Variants in CAST observed in about 807,000 individuals in gnomAD.
The protein encoded by CAST is MIR583 host.
A neutral mutation model predicts 119.6 loss-of-function variants in CAST; 76 were observed. That is an observed-to-expected ratio of 0.64 (90% CI 0.53 to 0.77). The LOEUF (loss-of-function observed/expected upper bound fraction) is 0.77, where lower values mean the gene tolerates loss of function less well. Ranked by LOEUF, CAST falls within the 30% of genes least tolerant of loss-of-function variation. The pLI is 0.00. For missense variants in CAST, 953 were observed against 946.5 expected, an observed-to-expected ratio of 1.01 and a Z score of -0.09; for synonymous variants, 319 against 331.6, an observed-to-expected ratio of 0.96 and a Z score of 0.41.
chr5:96,051,211 T>G, the CAST span, among the ~76,000 whole-genome samples: 1 of 152,178 alleles, frequency 6.6e-6, no homozygotes, highest in Non-Finnish European at 1.5e-5. Context: ...TGTGTGTGTG[T>G]GTGACACACA....
the CAST span, among the ~76,000 whole-genome samples, chr5:96,304,114 G>T: frequency 6.6e-6 from 1 of 152,144 alleles, no homozygotes; most frequent in Non-Finnish European, 1.5e-5. Context: ...AGCATCTGTT[G>T]TTTCCTGACT....
intron 1 of CAST, among the ~76,000 whole-genome samples, chr5:96,603,759 CTTTTTTTTTT>C (rs70981832): frequency 1.3e-5 from 1 of 79,498 alleles, no homozygotes; most frequent in Non-Finnish European, 2.3e-5. Context: ...GTGCTGTACT[CTTTTTTTTTT>C]TTTTTTTTTT....
chr5:96,549,481 G>C (rs1001212817), intron 1 of CAST, among the ~76,000 whole-genome samples: 28 of 152,228 alleles, frequency 1.8e-4, no homozygotes, highest in African/African-American at 6.3e-4. Context: ...GATTGACACA[G>C]AAGATGGGTG....
chr5:96,735,717 C>T (rs764307702), intron 9 of CAST, among the ~76,000 whole-genome samples: 7 of 152,122 alleles, frequency 4.6e-5, no homozygotes, highest in South Asian at 2.1e-4. Flanking sequence ...CAATGATGAG[C>T]GATCAACTCA....
the CAST span, among the ~76,000 whole-genome samples, chr5:96,231,218 T>G: frequency 2.6e-5 from 4 of 152,014 alleles, no homozygotes; most frequent in East Asian, 7.7e-4. Flanking sequence ...ATCCAAAGAG[T>G]AGGAACAACC....
intron 1 of CAST, among the ~76,000 whole-genome samples, chr5:96,551,526 C>T (rs1159352844): frequency 2.0e-5 from 3 of 152,094 alleles, no homozygotes; most frequent in Non-Finnish European, 4.4e-5. Flanking sequence ...GGTGAAATAA[C>T]CAGCTAGCAT....
At chr5:96,637,746 G>A (rs184977535) in intron 1 of CAST, among the ~76,000 whole-genome samples, 6 of 152,094 alleles carry the variant, frequency 3.9e-5, no homozygotes, top group Admixed American at 3.3e-4. Flanking sequence ...ATCACTAGTT[G>A]CATTTTTGGG....
At chr5:96,218,289 A>C in the CAST span, among the ~76,000 whole-genome samples, 10 of 152,118 alleles carry the variant, frequency 6.6e-5, no homozygotes, top group South Asian at 2.1e-4. Flanking sequence ...TTTTCAGTTG[A>C]TTGTTGTATC....
intron 1 of CAST, among the ~76,000 whole-genome samples, chr5:96,671,856 G>T (rs1441025383): frequency 6.6e-6 from 1 of 152,172 alleles, no homozygotes; most frequent in African/African-American, 2.4e-5. Context: ...GATCGAATTT[G>T]ACATATGTCA....
upstream of CAST, among the ~76,000 whole-genome samples, chr5:96,529,239 C>G (rs939247188): frequency 6.6e-6 from 1 of 152,080 alleles, no homozygotes; most frequent in Non-Finnish European, 1.5e-5. Flanking sequence ...AAGGAAGAAA[C>G]TAAGAGAAAA....
chr5:96,047,689 TG>T, the CAST span, among the ~76,000 whole-genome samples: 1 of 152,194 alleles, frequency 6.6e-6, no homozygotes, highest in East Asian at 1.9e-4. Flanking sequence ...GCTAAGTACC[TG>T]GGATATATTG....
At chr5:96,681,711 C>T (rs1440321281) in intron 2 of CAST, among the ~76,000 whole-genome samples, 2 of 125,966 alleles carry the variant, frequency 1.6e-5, no homozygotes, top group South Asian at 5.0e-4. Context: ...CCAGCCTGGG[C>T]GACAGAGCGA....
chr5:96,624,555 T>C (rs1747684534), intron 1 of CAST, among the ~76,000 whole-genome samples: 1 of 152,224 alleles, frequency 6.6e-6, no homozygotes, highest in African/African-American at 2.4e-5. Flanking sequence ...GTACTGCTAA[T>C]ATAATGCCCC....
chr5:96,040,826 A>C, the CAST span, among the ~76,000 whole-genome samples: 1 of 152,046 alleles, frequency 6.6e-6, no homozygotes, highest in Non-Finnish European at 1.5e-5. Context: ...ATTGGCCTAA[A>C]ATTCTCTTTT....
At chr5:96,555,118 C>T (rs1159606790) in intron 1 of CAST, among the ~76,000 whole-genome samples, 1 of 152,200 alleles carries the variant, frequency 6.6e-6, no homozygotes, top group African/African-American at 2.4e-5. Context: ...TTTATTGTGG[C>T]ACTATTCACA....
At chr5:96,483,982 T>C in the CAST span, among the ~76,000 whole-genome samples, 7 of 152,230 alleles carry the variant, frequency 4.6e-5, no homozygotes, top group East Asian at 1.4e-3. Context: ...GAGGCCTTAT[T>C]TGGGGCAGAT....
the CAST span, among the ~76,000 whole-genome samples, chr5:96,235,285 C>T: frequency 6.6e-6 from 1 of 152,270 alleles, no homozygotes; most frequent in African/African-American, 2.4e-5. Context: ...AAAATCCCAG[C>T]TCTCACACTA....
chr5:96,565,413 A>C (rs1746448387), intron 1 of CAST, among the ~76,000 whole-genome samples: 1 of 152,192 alleles, frequency 6.6e-6, no homozygotes, highest in Non-Finnish European at 1.5e-5. Context: ...TCCAATAAAA[A>C]GATAAAACAA....
the CAST span, among the ~76,000 whole-genome samples, chr5:96,048,531 A>G: frequency 6.6e-6 from 1 of 152,184 alleles, no homozygotes; most frequent in Non-Finnish European, 1.5e-5. Context: ...AATAATCAAC[A>G]TTACCAGTAG....
Sources: allele counts gnomAD v4.1 joint callset (sites outside exome capture counted in the v4.1 genomes callset), GRCh38; gene constraint gnomAD v4.1.1; transcripts MANE v1.5; gene names NCBI Gene and HGNC (gene_info 2026-07-23, HGNC 2026-07-21).